Variants in ADAMTSL3 observed in about 807,000 individuals in gnomAD.
ADAMTSL3 encodes ADAMTS like 3.
ADAMTSL3 carries 128 observed loss-of-function variants against 201.7 expected under a neutral mutation model. That is an observed-to-expected ratio of 0.63 (90% confidence interval 0.55 to 0.73). ADAMTSL3 has a LOEUF of 0.73. Ranked by LOEUF, ADAMTSL3 falls within the 30% of genes least tolerant of loss-of-function variation. The pLI is 0.00. For synonymous variants in ADAMTSL3, 738 were observed against 748.4 expected (o/e 0.99, Z 0.23); for missense variants, 1,990 against 2,119.6 (o/e 0.94, Z 1.20).
rs1253540645 is a variant in ADAMTSL3 at position 83,714,807 on chromosome 15, C to CTTCT, written c.189+10311_189+10314dup. Among the ~76,000 whole-genome samples the CTTCT allele has an allele frequency of 2.5e-4, 18 of 71,034 alleles. 1 individual carries two copies. The highest frequency in any genetic ancestry group is 8.7e-4 in the African/African-American group (18 of 20,708). The allele number at this position is 71,034 out of a possible 152,430, so 46.6% of individuals were successfully genotyped here. ...TCTTTTTCTTTCTCTCTCTTTCTTT[C>CTTCT]TTCTTTCTTTCTTTCCTTCTCTCTC... On this transcript the variant is annotated intron_variant, in intron 3 of 29. Transcript: ENST00000286744.
chr15:83,989,683 G>A (rs1471170245), intron 22 of ADAMTSL3, among the ~76,000 whole-genome samples: 1 of 152,132 alleles, frequency 6.6e-6, no homozygotes, highest in African/African-American at 2.4e-5. Flanking sequence ...ACTTAGTACT[G>A]CCATTGTCCA....
At chr15:83,674,701 A>G (rs988739269) in intron 2 of ADAMTSL3, among the ~76,000 whole-genome samples, 10 of 141,830 alleles carry the variant, frequency 7.1e-5, no homozygotes, top group Non-Finnish European at 1.1e-4. Flanking sequence ...ATACACATAT[A>G]TATACATATA....
intron 2 of ADAMTSL3, among the ~76,000 whole-genome samples, chr15:83,690,547 G>A (rs1374206778): frequency 6.6e-6 from 1 of 152,074 alleles, no homozygotes; most frequent in Non-Finnish European, 1.5e-5. Context: ...CAGCTTTGTG[G>A]TCATTGCCTC....
intron 7 of ADAMTSL3, among the ~76,000 whole-genome samples, chr15:83,849,939 T>C (rs1461338959): frequency 6.6e-6 from 1 of 152,164 alleles, no homozygotes; most frequent in African/African-American, 2.4e-5. Flanking sequence ...CTTTAATACA[T>C]TGAAGTGAGT....
At chr15:83,875,429 G>A (rs1001380433) in intron 9 of ADAMTSL3, among the ~76,000 whole-genome samples, 1 of 152,206 alleles carries the variant, frequency 6.6e-6, no homozygotes, top group African/African-American at 2.4e-5. Flanking sequence ...TTGCAGTTGT[G>A]TATCTGAGCA....
chr15:83,980,657 C>A (rs1046209932), intron 20 of ADAMTSL3, among the ~76,000 whole-genome samples: 1 of 152,132 alleles, frequency 6.6e-6, no homozygotes. Context: ...TGGACCCATC[C>A]TGAGATCAAT....
chr15:83,763,099 G>C (rs998914374), intron 3 of ADAMTSL3, among the ~76,000 whole-genome samples: 1 of 152,126 alleles, frequency 6.6e-6, no homozygotes, highest in Admixed American at 6.5e-5. Context: ...GTGTTGGCCA[G>C]GCTGGTCTCG....
chr15:83,865,332 TG>T (rs1251031797), intron 8 of ADAMTSL3, among the ~76,000 whole-genome samples: 2 of 152,102 alleles, frequency 1.3e-5, no homozygotes, highest in African/African-American at 4.8e-5. Context: ...AGAACAAAGC[TG>T]GGGGCATCAC....
intron 17 of ADAMTSL3, among the ~76,000 whole-genome samples, chr15:83,924,893 C>T (rs559201718): frequency 5.9e-5 from 9 of 152,140 alleles, no homozygotes; most frequent in Non-Finnish European, 1.0e-4. Flanking sequence ...ACCTCTTAGT[C>T]GTTTGCCCCG....
At chr15:83,843,897 A>T (rs146904504) in intron 7 of ADAMTSL3, among the ~76,000 whole-genome samples, 245 of 152,326 alleles carry the variant, frequency 1.6e-3, no homozygotes, top group African/African-American at 5.8e-3. Flanking sequence ...CAGAGGGAGG[A>T]GGAGAGAGAC....
At chr15:83,823,536 G>T (rs572425273) in intron 6 of ADAMTSL3, among the ~76,000 whole-genome samples, 106 of 152,022 alleles carry the variant, frequency 7.0e-4, no homozygotes, top group African/African-American at 5.3e-4. Context: ...CCATTGCCAC[G>T]TCCTGTCAAT....
chr15:83,898,136 T>A, intron 14 of ADAMTSL3, 131 bp downstream of exon 14: 1 of 1,004,138 alleles, frequency 1.0e-6, no homozygotes, highest in African/African-American at 1.6e-5. Flanking sequence ...GCAATAGACC[T>A]TCCCATCTAG....
intron 4 of ADAMTSL3, among the ~76,000 whole-genome samples, chr15:83,779,401 C>A (rs879285865): frequency 1.3e-5 from 2 of 152,002 alleles, no homozygotes; most frequent in Non-Finnish European, 2.9e-5. Flanking sequence ...GAACTGAAAT[C>A]ATAAAAAACA....
At chr15:83,756,113 T>C (rs946153982) in intron 3 of ADAMTSL3, among the ~76,000 whole-genome samples, 3 of 152,230 alleles carry the variant, frequency 2.0e-5, no homozygotes, top group Non-Finnish European at 2.9e-5. Context: ...TGCTGGATCA[T>C]ATGATAATAC....
At chr15:83,862,615 G>A (rs1353078651) in intron 8 of ADAMTSL3, 1 of 152,188 alleles carries the variant, frequency 6.6e-6, no homozygotes, top group East Asian at 1.9e-4. Flanking sequence ...AGCTCCTGAA[G>A]GAAGAGCTCA....
At chr15:83,940,969 T>C (rs915663238) in intron 17 of ADAMTSL3, among the ~76,000 whole-genome samples, 4 of 152,120 alleles carry the variant, frequency 2.6e-5, no homozygotes, top group African/African-American at 9.6e-5. Context: ...AGTTATCTAT[T>C]TTACCCATAT....
chr15:83,708,993 C>A (rs1433393177), intron 3 of ADAMTSL3, among the ~76,000 whole-genome samples: 1 of 152,160 alleles, frequency 6.6e-6, no homozygotes, highest in Non-Finnish European at 1.5e-5. Context: ...TGAGATATAT[C>A]CAGGAGCTTC....
At chr15:83,977,082 C>A (rs575128013) in intron 20 of ADAMTSL3, among the ~76,000 whole-genome samples, 72 of 152,264 alleles carry the variant, frequency 4.7e-4, no homozygotes, top group Middle Eastern at 6.8e-3. Context: ...GCAGGCATTA[C>A]CACCTGAGCT....
At chr15:83,903,940 A>G (rs1336848194) in intron 15 of ADAMTSL3, among the ~76,000 whole-genome samples, 13 of 42,710 alleles carry the variant, frequency 3.0e-4, no homozygotes, top group African/African-American at 9.5e-4. Context: ...AAAAAAAAAA[A>G]AAAAGAAAAA....
Sources: allele counts gnomAD v4.1 joint callset (sites outside exome capture counted in the v4.1 genomes callset), GRCh38; gene constraint gnomAD v4.1.1; transcripts MANE v1.5; gene names NCBI Gene and HGNC (gene_info 2026-07-23, HGNC 2026-07-21).